NELL1: variants seen among roughly 807,000 people sequenced by gnomAD.
NELL1 encodes the protein protein kinase C-binding protein NELL1.
A neutral mutation model predicts 107.4 loss-of-function variants in NELL1; 76 were observed. That is an observed-to-expected ratio of 0.71 (90% CI 0.59 to 0.86). The LOEUF (loss-of-function observed/expected upper bound fraction) is 0.86, where lower values mean the gene tolerates loss of function less well. Among genes scored for constraint, NELL1 ranks in the 40% least tolerant of loss-of-function variants. The pLI is 0.00. For synonymous variants in NELL1, 353 were observed against 341.2 expected, an observed-to-expected ratio of 1.03 and a Z score of -0.38; for missense variants, 1,024 against 1,005.5, an observed-to-expected ratio of 1.02 and a Z score of -0.25.
chr11:20,974,006 T>C (rs1156544947), intron 12 of NELL1, among the ~76,000 whole-genome samples: 1 of 152,214 alleles, frequency 6.6e-6, no homozygotes, highest in Admixed American at 6.5e-5. Flanking sequence ...TGCATTTGAC[T>C]GAAAAAGGAA....
intron 14 of NELL1, among the ~76,000 whole-genome samples, chr11:21,337,492 A>G (rs1850431809): frequency 6.6e-6 from 1 of 152,240 alleles, no homozygotes; most frequent in African/African-American, 2.4e-5. Flanking sequence ...GATCACTGCA[A>G]CAACAGAAAA....
At chr11:21,437,247 C>A (rs1853146441) in intron 15 of NELL1, among the ~76,000 whole-genome samples, 1 of 152,136 alleles carries the variant, frequency 6.6e-6, no homozygotes, top group Non-Finnish European at 1.5e-5. Flanking sequence ...CTCTATCTTT[C>A]TCTTTAGTTC....
intron 15 of NELL1, among the ~76,000 whole-genome samples, chr11:21,493,230 C>T (rs536291237): frequency 4.6e-5 from 7 of 151,960 alleles, no homozygotes; most frequent in African/African-American, 9.7e-5. Context: ...CAGCCCACTA[C>T]GGGGTATTTA....
At chr11:20,725,736 GC>G (rs1347171622) in intron 2 of NELL1, among the ~76,000 whole-genome samples, 2 of 152,110 alleles carry the variant, frequency 1.3e-5, no homozygotes, top group African/African-American at 4.8e-5. Flanking sequence ...TCTCTAGGTT[GC>G]TAGTTTTTGT....
chr11:21,500,685 A>G (rs183994719), intron 15 of NELL1, among the ~76,000 whole-genome samples: 3 of 152,264 alleles, frequency 2.0e-5, no homozygotes, highest in East Asian at 1.9e-4. Flanking sequence ...TAGCAGTGAC[A>G]TAATACTGTG....
intron 12 of NELL1, among the ~76,000 whole-genome samples, chr11:21,105,891 C>G (rs1251082570): frequency 4.7e-4 from 2 of 4,276 alleles, no homozygotes; most frequent in African/African-American, 2.4e-3. Context: ...CCTCTCCTCT[C>G]CTCTTTATTC....
At chr11:21,488,546 A>T (rs1854706243) in intron 15 of NELL1, among the ~76,000 whole-genome samples, 1 of 152,150 alleles carries the variant, frequency 6.6e-6, no homozygotes, top group Non-Finnish European at 1.5e-5. Context: ...GAGGACTAGG[A>T]TACCAGGTGG....
chr11:21,545,124 G>T (rs1299331635), intron 16 of NELL1, among the ~76,000 whole-genome samples: 2 of 152,020 alleles, frequency 1.3e-5, no homozygotes, highest in East Asian at 3.9e-4. Flanking sequence ...TAAGTTAAAT[G>T]TTCCCAGTCA....
intron 16 of NELL1, among the ~76,000 whole-genome samples, chr11:21,552,031 G>T (rs533229728): frequency 0.016 from 2,375 of 145,054 alleles, 61 homozygotes; most frequent in African/African-American, 0.056. Flanking sequence ...GTAAACTATC[G>T]CAAGAACAAA....
Position 21,056,753 on chromosome 11 carries a change from C to G in NELL1, c.1301-56836C>G, listed in dbSNP as rs184339144. The stretch of plus-strand genomic sequence containing the variant: ...AACATAAATGCACATCAAATGAAAA[C>G]TTCCATATTTGCCAATTCATAGAAG... On this transcript the variant is annotated intron_variant, in intron 12 of 19. Transcript: ENST00000357134. Among the ~76,000 whole-genome samples the G allele has an allele frequency of 2.0e-3, 310 of 152,066 alleles. 1 individual carries two copies. The highest frequency in any genetic ancestry group is 0.014 in the Middle Eastern group (4 of 292).
chr11:21,364,390 GACAC>G (rs1270185251), intron 14 of NELL1, among the ~76,000 whole-genome samples: 2 of 111,154 alleles, frequency 1.8e-5, no homozygotes, highest in African/African-American at 7.5e-5. Flanking sequence ...CAGCCTGGGA[GACAC>G]AGCAAGACTC....
At chr11:21,453,186 A>G (rs1367428852) in intron 15 of NELL1, among the ~76,000 whole-genome samples, 2 of 152,112 alleles carry the variant, frequency 1.3e-5, no homozygotes, top group Non-Finnish European at 2.9e-5. Context: ...TACTTGCTCT[A>G]ACAACTGCTG....
intron 12 of NELL1, among the ~76,000 whole-genome samples, chr11:21,087,296 T>C (rs1854417578): frequency 1.3e-5 from 2 of 152,228 alleles, no homozygotes; most frequent in South Asian, 2.1e-4. Context: ...GGAAATTTTA[T>C]GTTCATATCC....
intron 13 of NELL1, among the ~76,000 whole-genome samples, chr11:21,135,512 C>T (rs1281179222): frequency 1.3e-5 from 2 of 152,108 alleles, no homozygotes; most frequent in Non-Finnish European, 2.9e-5. Context: ...CCAAAGAGAC[C>T]TGAATTTGTG....
At chr11:20,694,603 T>A (rs1340618301) in intron 2 of NELL1, among the ~76,000 whole-genome samples, 1 of 152,162 alleles carries the variant, frequency 6.6e-6, no homozygotes, top group African/African-American at 2.4e-5. Context: ...CTGGATTCTC[T>A]ATTCTGTTCT....
chr11:20,726,745 C>T (rs1855517036), intron 2 of NELL1, among the ~76,000 whole-genome samples: 1 of 151,836 alleles, frequency 6.6e-6, no homozygotes, highest in African/African-American at 2.4e-5. Flanking sequence ...GTCCCTCCCC[C>T]ATCCCCCCAC....
At chr11:20,931,278 A>G (rs16907061) in intron 9 of NELL1, among the ~76,000 whole-genome samples, 3,817 of 152,242 alleles carry the variant, frequency 0.025, 170 homozygotes, top group African/African-American at 0.087. Context: ...GCCAAGTTAA[A>G]TATTTTGAAC....
rs1848500152 is a variant in NELL1 at position 20,834,765 on chromosome 11, C to T, written c.336-12818C>T. ...AACTTATTAGAGTGGAGTCAGGGTC[C>T]ATAGAGCCACTGATATGATGCACTT... On this transcript the variant is annotated intron_variant, in intron 3 of 19. Coordinates refer to ENST00000357134, the MANE Select transcript of NELL1 (RefSeq NM_006157.5). 3.3e-5 allele frequency among the ~76,000 whole-genome samples: 5 copies of T among 151,896 alleles called. No homozygotes were observed. In the South Asian group the frequency reaches 1.0e-3, roughly 32 times the overall value.
chr11:20,702,699 A>T (rs1854827298), intron 2 of NELL1, among the ~76,000 whole-genome samples: 1 of 152,222 alleles, frequency 6.6e-6, no homozygotes, highest in African/African-American at 2.4e-5. Context: ...TACCTAATTT[A>T]TTGAGAGATT....
Sources: allele counts gnomAD v4.1 joint callset (sites outside exome capture counted in the v4.1 genomes callset), GRCh38; gene constraint gnomAD v4.1.1; transcripts MANE v1.5; gene names NCBI Gene and HGNC (gene_info 2026-07-23, HGNC 2026-07-21).